Variants in GPHN observed in about 807,000 individuals in gnomAD.
The protein encoded by GPHN is gephyrin.
GPHN carries 17 observed loss-of-function variants against 95.5 expected under a neutral mutation model. The observed-to-expected ratio is 0.18, with a 90% confidence interval of 0.12 to 0.27. The LOEUF (loss-of-function observed/expected upper bound fraction) is 0.27. GPHN is among the 10% of genes least tolerant of loss of function. The pLI is 1.00. For synonymous variants in GPHN, 320 were observed against 322.5 expected (o/e 0.99, Z 0.08); for missense variants, 660 against 978.1 (o/e 0.67, Z 4.34).
At chr14:67,157,650 G>A (rs546127286) in intron 18 of GPHN, among the ~76,000 whole-genome samples, 260 of 151,576 alleles carry the variant, frequency 1.7e-3, no homozygotes, top group Middle Eastern at 3.4e-3. Flanking sequence ...ATGGTGAAAC[G>A]CTCTCTCTCC....
chr14:66,832,411 C>T (rs1251564364), intron 4 of GPHN, among the ~76,000 whole-genome samples: 4 of 152,162 alleles, frequency 2.6e-5, no homozygotes, highest in African/African-American at 9.6e-5. Flanking sequence ...AATACTTTTG[C>T]TACTAACCAT....
intron 1 of GPHN, among the ~76,000 whole-genome samples, chr14:66,606,452 A>G (rs1203627335): frequency 6.6e-6 from 1 of 152,026 alleles, no homozygotes; most frequent in Non-Finnish European, 1.5e-5. Context: ...TGCCTTGGCG[A>G]TTTGGGATCT....
chr14:66,961,940 A>C (rs2068962398), intron 8 of GPHN, among the ~76,000 whole-genome samples: 1 of 80,992 alleles, frequency 1.2e-5, no homozygotes, highest in African/African-American at 1.1e-4. Flanking sequence ...ATATATATAT[A>C]TATATATACA....
At chr14:67,521,657 T>C in the GPHN span, among the ~76,000 whole-genome samples, 1 of 152,176 alleles carries the variant, frequency 6.6e-6, no homozygotes, top group Non-Finnish European at 1.5e-5. Context: ...TGTGATCATG[T>C]GAATTCATCC....
intron 3 of GPHN, among the ~76,000 whole-genome samples, chr14:66,806,686 C>T (rs1443583291): frequency 6.6e-6 from 1 of 152,150 alleles, no homozygotes; most frequent in Non-Finnish European, 1.5e-5. Context: ...AGTCTCTTTG[C>T]AAAAACATAA....
the GPHN span, among the ~76,000 whole-genome samples, chr14:67,429,730 T>C: frequency 3.3e-5 from 5 of 152,028 alleles, no homozygotes; most frequent in African/African-American, 9.7e-5. Context: ...AGCAAGACTG[T>C]GTTTCAAAAC....
chr14:66,896,840 A>G (rs72728699), intron 5 of GPHN, among the ~76,000 whole-genome samples: 7,957 of 152,060 alleles, frequency 0.052, 217 homozygotes, highest in Middle Eastern at 0.071. Context: ...GACAAGTAGA[A>G]GGCATATGTA....
At chr14:67,181,829 AAG>A (rs2083328333), downstream of GPHN, 3 of 178,598 alleles carry the variant, frequency 1.7e-5, no homozygotes, top group Admixed American at 6.3e-5. Flanking sequence ...TCGTTATTTA[AAG>A]AGAGAAGATT....
At chr14:67,486,870 C>A in the GPHN span, 1 of 152,198 alleles carries the variant, frequency 6.6e-6, no homozygotes, top group African/African-American at 2.4e-5. Flanking sequence ...CTCCCATTGC[C>A]CTGTGACAGG....
chr14:66,800,883 C>CTT (rs1234264209), intron 3 of GPHN, among the ~76,000 whole-genome samples: 1 of 151,846 alleles, frequency 6.6e-6, no homozygotes, highest in Non-Finnish European at 1.5e-5. Context: ...GTTTCTTATT[C>CTT]TTTTTTCTTT....
At chr14:67,248,829 TA>T in the GPHN span, among the ~76,000 whole-genome samples, 1 of 151,102 alleles carries the variant, frequency 6.6e-6, no homozygotes, top group African/African-American at 2.5e-5. Flanking sequence ...ATTTTTATTT[TA>T]TTTTTTTGAG....
chr14:66,880,868 C>G (rs1423265824), intron 5 of GPHN, among the ~76,000 whole-genome samples: 1 of 151,948 alleles, frequency 6.6e-6, no homozygotes, highest in Non-Finnish European at 1.5e-5. Flanking sequence ...ACAATTACAT[C>G]ACTTAAGTTA....
At chr14:67,050,255 G>A (rs1045266404) in intron 10 of GPHN, among the ~76,000 whole-genome samples, 4 of 152,018 alleles carry the variant, frequency 2.6e-5, no homozygotes, top group African/African-American at 9.7e-5. Flanking sequence ...TTATTTTTCC[G>A]GTGAGGTAAT....
At chr14:67,541,008 T>C in the GPHN span, among the ~76,000 whole-genome samples, 1 of 152,198 alleles carries the variant, frequency 6.6e-6, no homozygotes, top group Non-Finnish European at 1.5e-5. Context: ...CCCAAAGACT[T>C]GTGGCTTTCT....
At chr14:66,787,919 G>A (rs1044248354) in intron 3 of GPHN, among the ~76,000 whole-genome samples, 1 of 151,466 alleles carries the variant, frequency 6.6e-6, no homozygotes, top group African/African-American at 2.4e-5. Context: ...TTACGACCTG[G>A]GGCTAGATGA....
chr14:66,968,557 A>G (rs930119163), intron 9 of GPHN, among the ~76,000 whole-genome samples: 4 of 152,118 alleles, frequency 2.6e-5, no homozygotes, highest in Admixed American at 6.5e-5. Flanking sequence ...CAGAAATACA[A>G]TATAGTTTTG....
intron 1 of GPHN, among the ~76,000 whole-genome samples, chr14:66,563,622 A>G (rs1251918850): frequency 1.3e-5 from 2 of 152,124 alleles, no homozygotes; most frequent in Non-Finnish European, 2.9e-5. Context: ...TTACATTCCA[A>G]TTCTAATGTC....
At chr14:67,546,928 T>C in the GPHN span, among the ~76,000 whole-genome samples, 1 of 152,170 alleles carries the variant, frequency 6.6e-6, no homozygotes, top group Non-Finnish European at 1.5e-5. Flanking sequence ...TAATAAATGT[T>C]TTAGAGTGTG....
chr14:66,563,757 T>A (rs1473572251), intron 1 of GPHN, among the ~76,000 whole-genome samples: 1 of 152,192 alleles, frequency 6.6e-6, no homozygotes, highest in African/African-American at 2.4e-5. Flanking sequence ...GCTGGTTTTT[T>A]ATTTTTATTT....
Sources: allele counts gnomAD v4.1 joint callset (sites outside exome capture counted in the v4.1 genomes callset), GRCh38; gene constraint gnomAD v4.1.1; transcripts MANE v1.5; gene names NCBI Gene and HGNC (gene_info 2026-07-23, HGNC 2026-07-21).